The following CILP2 variants were observed in gnomAD, a reference collection of about 807,000 sequenced individuals.
The protein encoded by CILP2 is CILP-2.
A neutral mutation model predicts 45.6 loss-of-function variants in CILP2; 38 were observed. That is an observed-to-expected ratio of 0.83 (90% CI 0.64 to 1.09). The LOEUF is 1.09. Ranked by LOEUF, CILP2 falls within the 50% of genes least tolerant of loss-of-function variation. The pLI, the probability that CILP2 is intolerant of heterozygous loss-of-function variation, is 0.00. For missense variants in CILP2, 1,735 were observed against 1,662.2 expected (o/e 1.04, Z -0.76); for synonymous variants, 780 against 723.5 (o/e 1.08, Z -1.25).
intron 5 of CILP2, 97 bp from the exon 6 acceptor site, chr19:19,542,767 G>A (rs911520212): frequency 6.3e-7 from 1 of 1,575,018 alleles, no homozygotes; most frequent in South Asian, 1.1e-5. Flanking sequence ...AAGGCACAGA[G>A]TGAGTCGGCA....
rs1306807683 is a variant in CILP2 at position 19,543,878 on chromosome 19, A to G, written c.1333A>G (p.Arg445Gly). Residue 445 changes from arginine (R) to glycine (G), a missense_variant, in exon 8 of 8, where the codon AGA becomes GGA. Coordinates refer to ENST00000291495, the MANE Select transcript of CILP2 (RefSeq NM_153221.2). Reference sequence around the variant, plus strand: ...CTGCTGCTCTGTGCGCCGTCTGGAGAGAAGGGAGATTCACTGCCCTGGCTA... The same window carrying G: ...CTGCTGCTCTGTGCGCCGTCTGGAGGGAAGGGAGATTCACTGCCCTGGCTA... ...SRCCSVRRLE[R>G]REIHCPGYVL... 1.2e-6 allele frequency: 2 copies of G among 1,613,800 alleles called. No individual in the cohort carries two copies. Among genetic ancestry groups the G allele is most frequent in the Non-Finnish European group, 1.7e-6 (2 of 1,179,830 alleles).
At chr19:19,541,053 G>C in intron 3 of CILP2, 38 bp from the exon 4 acceptor site, 1 of 1,245,008 alleles carries the variant, frequency 8.0e-7, no homozygotes, top group Non-Finnish European at 1.0e-6. Context: ...AGTTCCTGGG[G>C]AGGGCGGCCA....
Position 19,545,622 on chromosome 19 carries a change from T to G in CILP2, c.3077T>G (p.Leu1026Arg). The G allele has an allele frequency of 5.0e-6, 8 of 1,607,258 alleles. No homozygotes were observed. The highest frequency in any genetic ancestry group is 6.8e-6 in the Non-Finnish European group (8 of 1,176,216). The change falls in exon 8 of 8, where the codon CTC (leucine) becomes CGC (arginine). Residue 1026 changes from leucine (L) to arginine (R), a missense_variant. Transcript: ENST00000291495. ...GSCRRVAVNG[L>R]LRDYLTRHPP... Reference sequence around the variant, plus strand: ...TGCCGGCGCGTGGCCGTCAACGGACTCCTTCGGGATTACCTGACCCGGCAC... The same window carrying G: ...TGCCGGCGCGTGGCCGTCAACGGACGCCTTCGGGATTACCTGACCCGGCAC...
rs780871193 is a variant in CILP2, at chr19:19,542,870, C to T, written c.875C>T (p.Pro292Leu). ...VTIILDKLEKPYLVKHPESRV... is the reference protein window; with the variant it reads ...VTIILDKLEKLYLVKHPESRV... The stretch of plus-strand genomic sequence containing the variant: ...TTACCACCTTTGACCCCAGAGAAGC[C>T]GTACCTGGTGAAACACCCTGAGTCC... Residue 292 changes from proline to leucine, a missense_variant, in exon 6 of 8, where the codon CCG becomes CTG. Transcript: ENST00000291495. The T allele has an allele frequency of 1.9e-6, 3 of 1,613,106 alleles. No individual in the cohort carries two copies. The African/African-American group carries it at 4.0e-5, about 22-fold the overall frequency.
chr19:19,545,964 A>G lies in CILP2; in HGVS notation c.3419A>G (p.Gln1140Arg), dbSNP rs1395849009. 5 of 1,543,406 alleles carry G rather than the reference A, an allele frequency of 3.2e-6. No individual in the cohort carries two copies. The highest frequency in any genetic ancestry group is 1.9e-5 in the Admixed American group (1 of 51,358). Residue 1140 changes from glutamine (Q) to arginine (R), a missense_variant, in exon 8 of 8, where the codon CAG becomes CGG. Coordinates refer to ENST00000291495, the MANE Select transcript of CILP2 (RefSeq NM_153221.2). ...GAGATGAGCGAGGCGGCGCAGGCACAGGCCCGGGCCTCAGGTCCCCTCCGC... is the reference window on the plus strand; with the variant it reads ...GAGATGAGCGAGGCGGCGCAGGCACGGGCCCGGGCCTCAGGTCCCCTCCGC... ...RREMSEAAQAQARASGPLRTR... is the reference protein window; with the variant it reads ...RREMSEAAQARARASGPLRTR...
rs770985215 is a variant in CILP2 at position 19,545,754 on chromosome 19, G to C, written c.3209G>C (p.Arg1070Pro). 3 of 1,611,744 alleles carry C rather than the reference G, an allele frequency of 1.9e-6. No individual in the cohort carries two copies. The highest frequency in any genetic ancestry group is 2.5e-6 in the Non-Finnish European group (3 of 1,178,836). ...GVYTVTDQSP[R>P]LAKEIAIGRC... Reference sequence around the variant, plus strand: ...TACACTGTCACTGACCAGAGCCCACGCTTGGCCAAGGAGATCGCCATTGGC... The same window carrying C: ...TACACTGTCACTGACCAGAGCCCACCCTTGGCCAAGGAGATCGCCATTGGC... Residue 1070 changes from arginine to proline, a missense_variant, in exon 8 of 8, where the codon CGC (arginine) becomes CCC (proline). Coordinates refer to ENST00000291495, the MANE Select transcript of CILP2 (RefSeq NM_153221.2).
chr19:19,543,910 C>G lies in CILP2; in HGVS notation c.1365C>G (p.Leu455=). The G allele has an allele frequency of 6.2e-7, 1 of 1,613,740 alleles. No homozygotes were observed. Among genetic ancestry groups the G allele is most frequent in the African/African-American group, 1.3e-5 (1 of 75,072 alleles). The part of the protein sequence containing the change: ...RREIHCPGYV[L]PVKVVAECGC... The stretch of plus-strand genomic sequence containing the variant: ...AGATTCACTGCCCTGGCTACGTCCT[C>G]CCAGTGAAGGTGGTGGCAGAGTGTG... Residue 455 remains leucine, a synonymous_variant, in exon 8 of 8, where the codon CTC becomes CTG. Transcript: ENST00000291495.
At chr19:19,538,563 C>T in intron 1 of CILP2, 150 bp downstream of exon 1, 1 of 588,560 alleles carries the variant, frequency 1.7e-6, no homozygotes, top group Admixed American at 3.9e-5. Flanking sequence ...ATCCCCGCGA[C>T]CACCTGGGGC....
At position 19,545,260 on chromosome 19, in the gene CILP2, C is replaced by T; in HGVS notation, c.2715C>T (p.Asp905=). 1.2e-6 allele frequency: 2 copies of T among 1,612,554 alleles called. No individual in the cohort carries two copies. Among genetic ancestry groups the T allele is most frequent in the South Asian group, 2.2e-5 (2 of 91,046 alleles). Residue 905 remains aspartate, a synonymous_variant, in exon 8 of 8, where the codon GAC becomes GAT. Transcript: ENST00000291495. ...TCCGCTTCGCCAGGGTGGAGGCGGACAAGTACGAGTACAACGTGGTCCCCT... is the reference window on the plus strand; with the variant it reads ...TCCGCTTCGCCAGGGTGGAGGCGGATAAGTACGAGTACAACGTGGTCCCCT... ...SHFRFARVEA[D]KYEYNVVPFR...
intron 3 of CILP2, 197 bp downstream of exon 3, chr19:19,540,673 G>T: frequency 1.5e-6 from 1 of 664,348 alleles, no homozygotes; most frequent in East Asian, 3.3e-5. Flanking sequence ...TTGAAGAGAG[G>T]CGCTGGGAAC....
intron 3 of CILP2, 72 bp downstream of exon 3, chr19:19,540,548 G>C: frequency 7.9e-7 from 1 of 1,267,476 alleles, no homozygotes; most frequent in Non-Finnish European, 1.0e-6. Flanking sequence ...GAAGAGTCGT[G>C]GTGGGTGGGG....
In CILP2 at chr19:19,540,126, C is replaced by G. The variant is rs1471441330; in HGVS notation, c.164-78C>G. On this transcript the variant is annotated intron_variant, in intron 2 of 7. Coordinates refer to ENST00000291495, the MANE Select transcript of CILP2 (RefSeq NM_153221.2). ...TGCCCACCGGGGGAGGGGGCTGAGA[C>G]AGCAAGTAAGGCCTTTGCACGCATG... The G allele has an allele frequency of 2.1e-6, 3 of 1,422,160 alleles. No individual in the cohort carries two copies. The Admixed American group carries it at 8.4e-5, about 40-fold the overall frequency. 88.1% of individuals were successfully genotyped at this position (1,422,160 alleles called of 1,614,324 possible).
chr19:19,541,282 C>T (rs2061242806), intron 4 of CILP2, 36 bp downstream of exon 4: 2 of 1,273,950 alleles, frequency 1.6e-6, no homozygotes, highest in African/African-American at 1.5e-5. Context: ...GGGACCTGTA[C>T]AGAGGGGAGG....
rs1448957736 is a variant in CILP2 at position 19,540,305 on chromosome 19, G to T, written c.265G>T (p.Val89Leu). 3 of 1,587,054 alleles carry T rather than the reference G, an allele frequency of 1.9e-6. No individual in the cohort carries two copies. Among genetic ancestry groups the T allele is most frequent in the Non-Finnish European group, 2.6e-6 (3 of 1,171,050 alleles). ...AIRFYYGPAR[V>L]CPRPLALEAR... ...CCGCTTCTACTACGGGCCAGCGCGC[G>T]TGTGCCCGCGACCGCTGGCGCTGGA... Residue 89 changes from valine (V) to leucine (L), a missense_variant, in exon 3 of 8, where the codon GTG becomes TTG. Transcript: ENST00000291495.
In CILP2 at chr19:19,545,609, G is replaced by A. The variant is rs766002166; in HGVS notation, c.3064G>A (p.Ala1022Thr). 6.2e-7 allele frequency: 1 copy of A among 1,608,606 alleles called. No individual in the cohort carries two copies. The highest frequency in any genetic ancestry group is 8.5e-7 in the Non-Finnish European group (1 of 1,177,338). ...IMPQGSCRRV[A>T]VNGLLRDYLT... is the part of the protein sequence containing the mutation. ...GCCCCAGGGCAGCTGCCGGCGCGTG[G>A]CCGTCAACGGACTCCTTCGGGATTA... Residue 1022 changes from alanine (A) to threonine (T), a missense_variant, in exon 8 of 8, where the codon GCC becomes ACC. Physicochemically the swap from Ala to Thr is moderately conservative, Grantham distance 58. Transcript: ENST00000291495.
intron 7 of CILP2, 51 bp downstream of exon 7, chr19:19,543,456 C>T (rs745782206): frequency 1.4e-5 from 23 of 1,600,234 alleles, no homozygotes; most frequent in East Asian, 6.7e-5. Flanking sequence ...AAACGGAACC[C>T]GGACTGTAGC....
Position 19,538,389 on chromosome 19 carries a change from G to A in CILP2, c.40G>A (p.Ala14Thr). ...GCCACTGCTCTGTCTCTGTGTCGTC[G>A]CTGCGCACCTGGCGGGGGCCCGAGG... is the stretch of plus-strand genomic sequence containing the variant. ...LLPLLCLCVV[A>T]AHLAGARDAT... is the part of the protein sequence containing the mutation. The change falls in exon 1 of 8, where the codon GCT becomes ACT. Residue 14 changes from alanine (A) to threonine (T), a missense_variant. Physicochemically the swap from Ala to Thr is moderately conservative, Grantham distance 58. Transcript: ENST00000291495. The A allele has an allele frequency of 1.3e-6, 2 of 1,565,440 alleles. No individual in the cohort carries two copies. The highest frequency in any genetic ancestry group is 8.6e-7 in the Non-Finnish European group (1 of 1,163,892).
intron 3 of CILP2, 36 bp downstream of exon 3, chr19:19,540,512 G>T (rs1445144816): frequency 2.2e-5 from 22 of 1,019,806 alleles, no homozygotes; most frequent in Non-Finnish European, 2.7e-5. Flanking sequence ...GCGGGGCTTT[G>T]AATGGGCGGG....
rs748079383 is a variant in CILP2 at position 19,542,592 on chromosome 19, G to A, written c.810G>A (p.Glu270=). The A allele has an allele frequency of 8.7e-6, 14 of 1,614,072 alleles. No individual in the cohort carries two copies. Among genetic ancestry groups the A allele is most frequent in the Non-Finnish European group, 1.0e-5 (12 of 1,180,002 alleles). ...RAQMDGFSAG[E]AQAQANGSIS... ...AGATGGATGGCTTCTCTGCAGGGGA[G>A]GCCCAGGCCCAGGCCAACGGATCCA... The change falls in exon 5 of 8, where the codon GAG becomes GAA. Residue 270 remains glutamate (E), a synonymous_variant. Transcript: ENST00000291495.
Sources: gnomAD v4.1 joint callset for allele counts on GRCh38, gnomAD v4.1.1 for gene constraint, MANE v1.5 for transcripts, NCBI Gene and HGNC (gene_info 2026-07-23, HGNC 2026-07-21) for gene names.